Variants in PDE4D observed in about 807,000 individuals in gnomAD.
PDE4D encodes phosphodiesterase 4D.
Under a neutral mutation model 87.4 loss-of-function variants are expected in PDE4D, and 24 were observed. The ratio of observed to expected loss-of-function variants is 0.27; its 90% confidence interval spans 0.20 to 0.39. The LOEUF is 0.39. Ranked by LOEUF, PDE4D falls within the 10% of genes least tolerant of loss-of-function variation. PDE4D has a pLI of 1.00. For synonymous variants in PDE4D, 384 were observed against 383.2 expected (o/e 1.00, Z -0.02); for missense variants, 714 against 1,041.0 (o/e 0.69, Z 4.32).
At chr5:59,400,736 TA>T (rs745920841) in intron 1 of PDE4D, among the ~76,000 whole-genome samples, 36 of 122,856 alleles carry the variant, frequency 2.9e-4, no homozygotes, top group Non-Finnish European at 4.0e-4. Context: ...AGTATAATAA[TA>T]AAAAAAATAA....
intron 1 of PDE4D, among the ~76,000 whole-genome samples, chr5:60,203,124 A>G (rs1181953449): frequency 6.6e-6 from 1 of 152,024 alleles, no homozygotes; most frequent in East Asian, 1.9e-4. Flanking sequence ...GGCACCCACC[A>G]CTACGCTCGA....
At chr5:59,489,617 T>C (rs562905795) in intron 1 of PDE4D, among the ~76,000 whole-genome samples, 1 of 152,346 alleles carries the variant, frequency 6.6e-6, no homozygotes, top group East Asian at 1.9e-4. Context: ...TTATTGTCTT[T>C]ATGGCTTCAA....
intron 1 of PDE4D, among the ~76,000 whole-genome samples, chr5:60,432,122 T>G (rs1452993767): frequency 8.4e-6 from 1 of 119,046 alleles, no homozygotes; most frequent in African/African-American, 3.7e-5. Context: ...GGAGAGGGGA[T>G]TAGTTTTTTT....
intron 1 of PDE4D, among the ~76,000 whole-genome samples, chr5:59,693,277 C>T (rs1160803691): frequency 6.6e-6 from 1 of 151,836 alleles, no homozygotes; most frequent in Non-Finnish European, 1.5e-5. Context: ...GTAAAATAAA[C>T]CAATAAAACA....
At chr5:59,061,163 A>C (rs1763060220) in intron 5 of PDE4D, among the ~76,000 whole-genome samples, 1 of 152,096 alleles carries the variant, frequency 6.6e-6, no homozygotes, top group African/African-American at 2.4e-5. Flanking sequence ...TCTTTTCATA[A>C]TTATTTCCAT....
intron 1 of PDE4D, among the ~76,000 whole-genome samples, chr5:59,376,247 C>G (rs955279713): frequency 1.3e-5 from 2 of 152,056 alleles, no homozygotes; most frequent in Non-Finnish European, 2.9e-5. Flanking sequence ...TCAAACTATC[C>G]CAGTTTGCAG....
At chr5:59,605,335 A>G (rs1045524285) in intron 1 of PDE4D, among the ~76,000 whole-genome samples, 3 of 151,504 alleles carry the variant, frequency 2.0e-5, no homozygotes, top group African/African-American at 7.3e-5. Context: ...CTTTCCAAAT[A>G]TAAGTATTTC....
chr5:59,869,187 C>T (rs1348106975), intron 1 of PDE4D, among the ~76,000 whole-genome samples: 1 of 152,112 alleles, frequency 6.6e-6, no homozygotes, highest in Non-Finnish European at 1.5e-5. Context: ...AATAAAACTA[C>T]AGTAAGCTCT....
At chr5:59,445,022 G>T (rs961225554) in intron 1 of PDE4D, among the ~76,000 whole-genome samples, 8 of 152,068 alleles carry the variant, frequency 5.3e-5, no homozygotes, top group South Asian at 2.1e-4. Context: ...GCTACCACCT[G>T]GTCAAACTCT....
intron 1 of PDE4D, among the ~76,000 whole-genome samples, chr5:60,230,326 A>G (rs1040472756): frequency 4.5e-4 from 68 of 152,260 alleles, no homozygotes; most frequent in African/African-American, 1.6e-3. Flanking sequence ...CAATAAAATT[A>G]CTAGACTAGA....
At chr5:59,965,556 T>A (rs1759942699) in intron 3 of PDE4D, among the ~76,000 whole-genome samples, 1 of 152,168 alleles carries the variant, frequency 6.6e-6, no homozygotes, top group Admixed American at 6.6e-5. Flanking sequence ...CCTGGCATTA[T>A]CCCTGTTTCA....
At chr5:59,858,237 C>A (rs1745744419) in intron 1 of PDE4D, among the ~76,000 whole-genome samples, 1 of 152,028 alleles carries the variant, frequency 6.6e-6, no homozygotes, top group Admixed American at 6.6e-5. Flanking sequence ...GCTCACCTGG[C>A]ATTCCTACTT....
intron 3 of PDE4D, among the ~76,000 whole-genome samples, chr5:59,932,510 G>C (rs919773299): frequency 6.6e-6 from 1 of 152,202 alleles, no homozygotes; most frequent in African/African-American, 2.4e-5. Flanking sequence ...CCTCAGGTGA[G>C]GAAACTGAGG....
intron 6 of PDE4D, among the ~76,000 whole-genome samples, chr5:59,036,834 A>G (rs912990525): frequency 2.8e-4 from 42 of 152,192 alleles, no homozygotes; most frequent in Non-Finnish European, 5.0e-4. Flanking sequence ...GTGGGCTAGG[A>G]AAAAATATCC....
chr5:60,162,047 C>T (rs1582919487), intron 2 of PDE4D, among the ~76,000 whole-genome samples: 2 of 152,224 alleles, frequency 1.3e-5, no homozygotes, highest in East Asian at 3.9e-4. Flanking sequence ...AATCTTTACT[C>T]TTAACAAGAG....
chr5:59,982,718 A>G (rs1762047626), intron 3 of PDE4D, among the ~76,000 whole-genome samples: 1 of 152,210 alleles, frequency 6.6e-6, no homozygotes, highest in African/African-American at 2.4e-5. Flanking sequence ...CTGAACAGAA[A>G]TGTCACAAGT....
intron 1 of PDE4D, among the ~76,000 whole-genome samples, chr5:59,571,374 T>C (rs1821819235): frequency 6.6e-6 from 1 of 152,182 alleles, no homozygotes; most frequent in South Asian, 2.1e-4. Context: ...CTTGTCTTGA[T>C]TGACGCTCTG....
chr5:59,036,060 C>A (rs555840282), intron 6 of PDE4D, among the ~76,000 whole-genome samples: 21 of 152,238 alleles, frequency 1.4e-4, no homozygotes, highest in African/African-American at 4.8e-4. Context: ...GCTCCTAGAG[C>A]ATCATTTAAA....
At chr5:59,473,290 T>C (rs1474325477) in intron 1 of PDE4D, among the ~76,000 whole-genome samples, 2 of 152,112 alleles carry the variant, frequency 1.3e-5, no homozygotes, top group African/African-American at 4.8e-5. Flanking sequence ...TAATCAAAGC[T>C]TTAATTCTTA....
Sources: allele counts gnomAD v4.1 joint callset (sites outside exome capture counted in the v4.1 genomes callset), GRCh38; gene constraint gnomAD v4.1.1; transcripts MANE v1.5; gene names NCBI Gene and HGNC (gene_info 2026-07-23, HGNC 2026-07-21).